Variants in CEP76 observed in about 807,000 individuals in gnomAD.
CEP76 encodes the protein centrosomal protein of 76 kDa.
CEP76 carries 55 observed loss-of-function variants against 83.3 expected under a neutral mutation model. That is an observed-to-expected ratio of 0.66 (90% CI 0.53 to 0.83). The LOEUF is 0.83. CEP76 is among the 40% of genes least tolerant of loss of function. The pLI is 0.00. For missense variants in CEP76, 694 were observed against 799.5 expected (o/e 0.87, Z 1.59); for synonymous variants, 270 against 274.5 (o/e 0.98, Z 0.16).
chr18:12,662,358 TAC>T, intron 12 of CEP76, among the ~76,000 whole-genome samples: 1 of 152,154 alleles, frequency 6.6e-6, no homozygotes, highest in East Asian at 1.9e-4. Flanking sequence ...GAAGAGAAAA[TAC>T]AGTCATAGGA....
In CEP76 at chr18:12,701,071, T is replaced by A. The variant is rs1377133147; in HGVS notation, c.106A>T (p.Ile36Leu). Residue 36 changes from isoleucine (I) to leucine (L), a missense_variant, in exon 2 of 12, where the codon ATA (isoleucine) becomes TTA (leucine). By Grantham distance (5) the Ile-to-Leu change is conservative. Transcript: ENST00000262127. ...GRIREILAETIREELAPDQQH... is the reference protein window; with the variant it reads ...GRIREILAETLREELAPDQQH... ...TGATCAGGTGCCAATTCTTCCCGTA[T>A]AGTCTCAGCAAGGATTTCTCTTATT... 6.2e-7 allele frequency: 1 copy of A among 1,613,564 alleles called. No homozygotes were observed. The highest frequency in any genetic ancestry group is 1.3e-5 in the African/African-American group (1 of 74,932).
At chr18:12,693,655 C>T (rs1047680287) in intron 6 of CEP76, among the ~76,000 whole-genome samples, 1 of 151,956 alleles carries the variant, frequency 6.6e-6, no homozygotes. Flanking sequence ...TGGTGGCACC[C>T]ACCTGTAGTC....
Position 12,690,244 on chromosome 18 carries a change from T to C in CEP76, c.933+1115A>G, listed in dbSNP as rs146704233. Among the ~76,000 whole-genome samples the C allele has an allele frequency of 3.1e-3, 476 of 152,168 alleles. 1 individual carries two copies. Among genetic ancestry groups the C allele is most frequent in the Non-Finnish European group, 6.0e-3 (406 of 68,016 alleles). ...TCTAGTCAACCTCTCATTCCCAAGC[T>C]CCCCATCTGGACACTAAACCACTTT... On this transcript the variant is annotated intron_variant, in intron 7 of 11. Transcript: ENST00000262127.
chr18:12,671,309 G>C (rs1598610191), downstream of CEP76, among the ~76,000 whole-genome samples: 1 of 152,062 alleles, frequency 6.6e-6, no homozygotes, highest in East Asian at 1.9e-4. Context: ...TTTATTTGTA[G>C]GGGTGAATTA....
At chr18:12,679,391 G>A (rs1212722739) in intron 9 of CEP76, 1 of 152,180 alleles carries the variant, frequency 6.6e-6, no homozygotes, top group Non-Finnish European at 1.5e-5. Context: ...AATCTGCGAG[G>A]CAGGAAGCAC....
intron 5 of CEP76, 64 bp from the exon 6 acceptor site, chr18:12,695,415 T>G: frequency 1.4e-6 from 1 of 723,062 alleles, no homozygotes; most frequent in Non-Finnish European, 2.2e-6. Flanking sequence ...TCAACCAAAG[T>G]CTAACCAAAA....
Position 12,702,540 on chromosome 18 carries a change from C to G in CEP76, c.9G>C (p.Leu3=). The change falls in exon 1 of 12, where the codon CTG becomes CTC. Residue 3 remains leucine (L), a synonymous_variant. Transcript: ENST00000262127. MS[L]PPEKASELKQ... ...TCAGCTCGGAGGCTTTCTCCGGAGG[C>G]AGCGACATGCTGGCAGCCGGCGTCT... 6.2e-7 allele frequency: 1 copy of G among 1,606,002 alleles called. No individual in the cohort carries two copies.
At chr18:12,685,984 A>T (rs12957810) in intron 8 of CEP76, 65,382 of 252,322 alleles carry the variant, frequency 0.26, 9,275 homozygotes, top group Non-Finnish European at 0.32. Context: ...ATATACTTTA[A>T]ATCACCTCTA....
intron 9 of CEP76, among the ~76,000 whole-genome samples, chr18:12,679,679 A>G (rs551305658): frequency 6.6e-6 from 1 of 152,364 alleles, no homozygotes; most frequent in South Asian, 2.1e-4. Flanking sequence ...GGATTTGCCA[A>G]CGTGGAGATG....
At chr18:12,700,198 T>C (rs9950426) in intron 2 of CEP76, 89 of 206,008 alleles carry the variant, frequency 4.3e-4, no homozygotes, top group African/African-American at 1.8e-3. Context: ...TTAAACTTTC[T>C]GTAAACCTTA....
At chr18:12,691,687 C>T (rs1316407819) in intron 6 of CEP76, among the ~76,000 whole-genome samples, 200 bp from the exon 7 acceptor site, 1 of 151,304 alleles carries the variant, frequency 6.6e-6, no homozygotes, top group East Asian at 1.9e-4. Flanking sequence ...TCATAAGTCA[C>T]CTTTTTTTCC....
intron 12 of CEP76, chr18:12,662,203 A>C (rs762083668): frequency 2.0e-4 from 87 of 445,870 alleles, no homozygotes; most frequent in Admixed American, 1.6e-3. Context: ...AAAAAAAAAA[A>C]CAGCATATTT....
At chr18:12,698,686 A>T in intron 4 of CEP76, 1 of 279,492 alleles carries the variant, frequency 3.6e-6, no homozygotes, top group Non-Finnish European at 6.7e-6. Context: ...TTTCCACTAT[A>T]TCATCCCAGC....
At chr18:12,682,849 T>G (rs1318062842) in intron 8 of CEP76, among the ~76,000 whole-genome samples, 1 of 151,784 alleles carries the variant, frequency 6.6e-6, no homozygotes, top group Non-Finnish European at 1.5e-5. Context: ...CTTGAACTCC[T>G]GACCTCAAGT....
At chr18:12,690,240 A>G (rs2039702905) in intron 7 of CEP76, among the ~76,000 whole-genome samples, 2 of 152,130 alleles carry the variant, frequency 1.3e-5, no homozygotes, top group Non-Finnish European at 1.5e-5. Flanking sequence ...TCTCATTCCC[A>G]AGCTCCCCAT....
At chr18:12,702,749 C>A, upstream of CEP76, 1 of 608,120 alleles carries the variant, frequency 1.6e-6, no homozygotes. Flanking sequence ...GCGGCGCCAA[C>A]TGTTTTCAAA....
chr18:12,691,306 T>G lies in CEP76; in HGVS notation c.933+53A>C, dbSNP rs768335822. 9 of 1,157,454 alleles carry G rather than the reference T, an allele frequency of 7.8e-6. No individual in the cohort carries two copies. The Admixed American group carries it at 1.9e-4, about 25-fold the overall frequency. The allele number at this position is 1,157,454 out of a possible 1,614,324, so 71.7% of individuals were successfully genotyped here. Reference sequence around the variant, plus strand: ...AAATATTAAATGAAATTTACACACATAACAGTAAATCTCAAATACAGGCAT... The same window carrying G: ...AAATATTAAATGAAATTTACACACAGAACAGTAAATCTCAAATACAGGCAT... On this transcript the variant is annotated intron_variant, in intron 7 of 11. Coordinates refer to ENST00000262127, the MANE Select transcript of CEP76 (RefSeq NM_024899.4).
chr18:12,700,644 A>G (rs533809404), intron 2 of CEP76, among the ~76,000 whole-genome samples: 24 of 152,336 alleles, frequency 1.6e-4, no homozygotes, highest in Non-Finnish European at 2.8e-4. Context: ...TCATAATGAA[A>G]AAGAACTTTG....
chr18:12,673,167 A>C lies in CEP76; in HGVS notation c.*198T>G. Reference sequence around the variant, plus strand: ...TTTATACTAAATTCCAGGGAGATTTATACAAGTTTTTCAGCCTTAATTTTT... The same window carrying C: ...TTTATACTAAATTCCAGGGAGATTTCTACAAGTTTTTCAGCCTTAATTTTT... On this transcript the variant is annotated 3_prime_UTR_variant, in exon 12 of 12. Transcript: ENST00000262127. The C allele has an allele frequency of 8.1e-7, 1 of 1,227,480 alleles. No individual in the cohort carries two copies. The highest frequency in any genetic ancestry group is 1.0e-6 in the Non-Finnish European group (1 of 972,132). 76.0% of individuals were successfully genotyped at this position (1,227,480 alleles called of 1,614,324 possible). A position where few individuals can be genotyped will look rare whatever the true frequency, so the allele number is the denominator to read the frequency against.
Sources: gnomAD v4.1 joint callset for allele counts (sites outside exome capture counted in the v4.1 genomes callset) on GRCh38, gnomAD v4.1.1 for gene constraint, MANE v1.5 for transcripts, NCBI Gene and HGNC (gene_info 2026-07-23, HGNC 2026-07-21) for gene names.